CACNA2D3: variants seen among roughly 807,000 people sequenced by gnomAD.
The protein encoded by CACNA2D3 is calcium voltage-gated channel auxiliary subunit alpha2delta 3.
Under a neutral mutation model 160.6 loss-of-function variants are expected in CACNA2D3, and 60 were observed. That is an observed-to-expected ratio of 0.37 (90% CI 0.30 to 0.46). The LOEUF (loss-of-function observed/expected upper bound fraction) is 0.46. Among genes scored for constraint, CACNA2D3 ranks in the 20% least tolerant of loss-of-function variants. The pLI is 1.00. For missense variants in CACNA2D3, 1,205 were observed against 1,365.0 expected, an observed-to-expected ratio of 0.88 and a Z score of 1.85; for synonymous variants, 558 against 492.9, an observed-to-expected ratio of 1.13 and a Z score of -1.75.
intron 12 of CACNA2D3, among the ~76,000 whole-genome samples, chr3:54,758,596 G>A (rs1379173132): frequency 6.6e-6 from 1 of 152,128 alleles, no homozygotes; most frequent in Non-Finnish European, 1.5e-5. Context: ...GTGTGATCTT[G>A]ACAGGGAGGA....
intron 2 of CACNA2D3, among the ~76,000 whole-genome samples, chr3:54,262,535 AT>A (rs1427776063): frequency 6.6e-6 from 1 of 152,206 alleles, no homozygotes; most frequent in Non-Finnish European, 1.5e-5. Flanking sequence ...ATGTAATTAA[AT>A]ATGTTCAGGC....
At chr3:55,028,705 A>G (rs1447591578) in intron 35 of CACNA2D3, among the ~76,000 whole-genome samples, 1 of 152,240 alleles carries the variant, frequency 6.6e-6, no homozygotes, top group African/African-American at 2.4e-5. Flanking sequence ...TTTCATTTCA[A>G]CATTTCAGTG....
chr3:54,863,594 C>T (rs1208721554), intron 17 of CACNA2D3, among the ~76,000 whole-genome samples: 2 of 152,082 alleles, frequency 1.3e-5, no homozygotes, highest in South Asian at 2.1e-4. Flanking sequence ...CCTACAAAAA[C>T]GGTGGTGGGC....
intron 2 of CACNA2D3, among the ~76,000 whole-genome samples, chr3:54,126,045 G>A (rs146335318): frequency 3.5e-4 from 53 of 152,316 alleles, no homozygotes; most frequent in Middle Eastern, 3.4e-3. Context: ...ATAATAGAGT[G>A]TAATTGCTCT....
chr3:54,705,480 CTTG>C (rs1032498025), intron 11 of CACNA2D3, among the ~76,000 whole-genome samples: 2 of 152,160 alleles, frequency 1.3e-5, no homozygotes, highest in Non-Finnish European at 2.9e-5. Flanking sequence ...CAGGTTTTTT[CTTG>C]TTGTTCTGAT....
At chr3:55,007,691 C>G (rs1703126752) in intron 32 of CACNA2D3, 99 bp from the exon 33 acceptor site, 2 of 752,894 alleles carry the variant, frequency 2.7e-6, no homozygotes, top group South Asian at 1.7e-5. Context: ...ATATCAATCT[C>G]TCTAGAAGAA....
chr3:54,379,330 A>G (rs1388326736), intron 3 of CACNA2D3, among the ~76,000 whole-genome samples: 1 of 152,250 alleles, frequency 6.6e-6, no homozygotes, highest in Non-Finnish European at 1.5e-5. Context: ...AGAAATAATG[A>G]AGGCTCCTTA....
intron 11 of CACNA2D3, among the ~76,000 whole-genome samples, chr3:54,643,204 T>C (rs1398275880): frequency 6.6e-6 from 1 of 152,174 alleles, no homozygotes; most frequent in Non-Finnish European, 1.5e-5. Flanking sequence ...TTCTGGGAAT[T>C]AAACACACTG....
At chr3:55,021,683 A>ATATATATATGTGTG (rs1703457747) in intron 35 of CACNA2D3, among the ~76,000 whole-genome samples, 1 of 142,132 alleles carries the variant, frequency 7.0e-6, no homozygotes, top group Admixed American at 7.0e-5. Context: ...ATATGTGTAT[A>ATATATATATGTGTG]TATATATATG....
chr3:54,454,844 G>C (rs947283096), intron 4 of CACNA2D3, among the ~76,000 whole-genome samples: 1 of 151,964 alleles, frequency 6.6e-6, no homozygotes. Context: ...AGAATACACA[G>C]CATTTGTCTT....
At chr3:54,312,119 G>T (rs1703755742) in intron 2 of CACNA2D3, among the ~76,000 whole-genome samples, 1 of 152,128 alleles carries the variant, frequency 6.6e-6, no homozygotes, top group Non-Finnish European at 1.5e-5. Context: ...CAGAGGGTTG[G>T]GAGAGGGATA....
intron 11 of CACNA2D3, among the ~76,000 whole-genome samples, chr3:54,683,938 G>A (rs1700401037): frequency 6.9e-6 from 1 of 145,948 alleles, no homozygotes; most frequent in African/African-American, 2.6e-5. Flanking sequence ...ATCTTCCTCT[G>A]TGTGTCTGTG....
At chr3:54,339,039 C>G (rs879887433) in intron 3 of CACNA2D3, among the ~76,000 whole-genome samples, 4 of 152,146 alleles carry the variant, frequency 2.6e-5, no homozygotes, top group Non-Finnish European at 5.9e-5. Flanking sequence ...CCTGGAAGTT[C>G]GGTTCGTTAT....
chr3:54,889,681 AGT>A (rs1160694847), intron 24 of CACNA2D3, among the ~76,000 whole-genome samples: 2 of 152,206 alleles, frequency 1.3e-5, no homozygotes, highest in East Asian at 3.9e-4. Flanking sequence ...TAGGCTGTTT[AGT>A]ATGCAAATCT....
chr3:54,801,118 C>T (rs984098875), intron 13 of CACNA2D3, among the ~76,000 whole-genome samples: 3 of 151,854 alleles, frequency 2.0e-5, no homozygotes, highest in Non-Finnish European at 4.4e-5. Context: ...TCCTGAGTAG[C>T]TGGGACTATA....
chr3:54,289,142 G>GT (rs1251429722), intron 2 of CACNA2D3, among the ~76,000 whole-genome samples: 1 of 152,178 alleles, frequency 6.6e-6, no homozygotes, highest in African/African-American at 2.4e-5. Flanking sequence ...CGACATGATT[G>GT]TATATCTAGA....
At chr3:54,412,858 T>C (rs1699692396) in intron 4 of CACNA2D3, among the ~76,000 whole-genome samples, 1 of 151,824 alleles carries the variant, frequency 6.6e-6, no homozygotes, top group Non-Finnish European at 1.5e-5. Flanking sequence ...CTTTTATATA[T>C]GTTATAAATC....
intron 2 of CACNA2D3, among the ~76,000 whole-genome samples, chr3:54,283,135 A>G (rs541066645): frequency 2.6e-5 from 4 of 152,358 alleles, no homozygotes; most frequent in African/African-American, 9.6e-5. Context: ...TATAGGATAC[A>G]AATTGCAGAA....
intron 2 of CACNA2D3, among the ~76,000 whole-genome samples, chr3:54,206,823 C>A (rs747698117): frequency 6.0e-4 from 91 of 152,194 alleles, no homozygotes; most frequent in Non-Finnish European, 1.0e-3. Flanking sequence ...GTAACTAACT[C>A]TGGCTGTTGA....
Sources: allele counts gnomAD v4.1 joint callset (sites outside exome capture counted in the v4.1 genomes callset), GRCh38; gene constraint gnomAD v4.1.1; transcripts MANE v1.5; gene names NCBI Gene and HGNC (gene_info 2026-07-23, HGNC 2026-07-21).